The following ROBO1 variants were observed in gnomAD, a reference collection of about 807,000 sequenced individuals.
ROBO1 encodes roundabout homolog 1.
ROBO1 carries 149 observed loss-of-function variants against 195.9 expected under a neutral mutation model. The ratio of observed to expected loss-of-function variants is 0.76; its 90% CI spans 0.67 to 0.87. The LOEUF (loss-of-function observed/expected upper bound fraction) is 0.87. Ranked by LOEUF, ROBO1 falls within the 40% of genes least tolerant of loss-of-function variation. The pLI, the probability that ROBO1 is intolerant of heterozygous loss-of-function variation, is 0.00. For missense variants in ROBO1, 1,933 were observed against 2,068.3 expected (o/e 0.93, Z 1.27); for synonymous variants, 816 against 733.2 (o/e 1.11, Z -1.82).
intron 5 of ROBO1, among the ~76,000 whole-genome samples, chr3:78,740,331 T>C (rs979971868): frequency 4.6e-5 from 7 of 151,958 alleles, no homozygotes; most frequent in South Asian, 2.1e-4. Flanking sequence ...GCTATTGTTA[T>C]TATTCTCTCT....
In ROBO1 at chr3:78,975,582, G is replaced by A. The variant is rs148646192; in HGVS notation, c.173-36655C>T. Among the ~76,000 whole-genome samples the A allele has an allele frequency of 3.8e-3, 575 of 152,230 alleles. 5 individuals are homozygous for A. Among genetic ancestry groups the A allele is most frequent in the African/African-American group, 0.013 (549 of 41,552 alleles). On this transcript the variant is annotated intron_variant, in intron 3 of 30. Transcript: ENST00000464233. Reference sequence around the variant, plus strand: ...AAAAAAGGGAGAGGGGATAACCACTGAGAGGAAATGAAAGATAAGGTAGAA... The same window carrying A: ...AAAAAAGGGAGAGGGGATAACCACTAAGAGGAAATGAAAGATAAGGTAGAA...
chr3:78,926,774 C>T (rs2039246034), intron 4 of ROBO1, among the ~76,000 whole-genome samples: 1 of 151,954 alleles, frequency 6.6e-6, no homozygotes, highest in Non-Finnish European at 1.5e-5. Context: ...GACAAATCCT[C>T]GAGAAATGGA....
chr3:79,656,474 A>T (rs1946166777), intron 1 of ROBO1, among the ~76,000 whole-genome samples: 1 of 152,048 alleles, frequency 6.6e-6, no homozygotes, highest in South Asian at 2.1e-4. Flanking sequence ...CTAAAATAAT[A>T]GTATACTTTA....
chr3:78,893,912 C>G (rs2037074856), intron 4 of ROBO1, among the ~76,000 whole-genome samples: 1 of 152,210 alleles, frequency 6.6e-6, no homozygotes, highest in South Asian at 2.1e-4. Flanking sequence ...TTTCTTCATT[C>G]TGAATTTTGA....
intron 3 of ROBO1, among the ~76,000 whole-genome samples, chr3:79,015,649 T>A (rs1298148072): frequency 6.6e-6 from 1 of 152,116 alleles, no homozygotes; most frequent in African/African-American, 2.4e-5. Context: ...AAAAGGCAGA[T>A]AGACCAAGTA....
intron 4 of ROBO1, among the ~76,000 whole-genome samples, chr3:78,764,935 G>C (rs1296205539): frequency 6.6e-6 from 1 of 151,992 alleles, no homozygotes; most frequent in African/African-American, 2.4e-5. Flanking sequence ...TGGTTTGTGT[G>C]ATTTTTTTAA....
intron 10 of ROBO1, among the ~76,000 whole-genome samples, chr3:78,684,271 A>T (rs529365687): frequency 2.0e-5 from 3 of 152,300 alleles, no homozygotes; most frequent in South Asian, 2.1e-4. Context: ...TGAGGCAAAA[A>T]TATACACAAA....
intron 4 of ROBO1, among the ~76,000 whole-genome samples, chr3:78,908,741 T>C (rs1386371203): frequency 3.3e-5 from 5 of 151,868 alleles, no homozygotes. Flanking sequence ...CAGTTTTTAC[T>C]CCACAGATGA....
At chr3:78,828,234 T>C (rs1164505537) in intron 4 of ROBO1, among the ~76,000 whole-genome samples, 1 of 151,920 alleles carries the variant, frequency 6.6e-6, no homozygotes, top group Admixed American at 6.6e-5. Flanking sequence ...TGCAAGTTGA[T>C]TTTCACTGAT....
chr3:79,651,711 A>ATACAG (rs1019391458), intron 1 of ROBO1, among the ~76,000 whole-genome samples: 8 of 152,128 alleles, frequency 5.3e-5, no homozygotes, highest in African/African-American at 1.9e-4. Flanking sequence ...AAATGGACAC[A>ATACAG]TACAGAGGCT....
intron 1 of ROBO1, among the ~76,000 whole-genome samples, chr3:79,631,448 A>C (rs1945337179): frequency 6.6e-6 from 1 of 152,052 alleles, no homozygotes; most frequent in Non-Finnish European, 1.5e-5. Context: ...GAAGAATGAA[A>C]TTTGGTCCCT....
chr3:79,249,116 G>C (rs1325193684), intron 2 of ROBO1, among the ~76,000 whole-genome samples: 2 of 152,076 alleles, frequency 1.3e-5, no homozygotes, highest in East Asian at 3.8e-4. Flanking sequence ...ACTTTTAAAA[G>C]TGTACCTAAT....
intron 2 of ROBO1, among the ~76,000 whole-genome samples, chr3:79,277,798 A>AAT (rs999412085): frequency 2.0e-5 from 3 of 151,624 alleles, no homozygotes; most frequent in Non-Finnish European, 4.4e-5. Context: ...AATAAAAAAA[A>AAT]ACACACACTT....
intron 2 of ROBO1, among the ~76,000 whole-genome samples, chr3:79,400,290 A>AAC (rs1352597482): frequency 1.3e-5 from 2 of 151,886 alleles, no homozygotes. Context: ...CAACCCCCAC[A>AAC]ACACACACAC....
chr3:79,460,554 G>C (rs1252026867), intron 2 of ROBO1, among the ~76,000 whole-genome samples: 1 of 152,052 alleles, frequency 6.6e-6, no homozygotes, highest in African/African-American at 2.4e-5. Flanking sequence ...ATAGATCTGA[G>C]AGAGAAATCA....
Position 79,762,909 on chromosome 3 carries a change from A to AT in ROBO1, c.-51+4842dup, listed in dbSNP as rs370003659. On this transcript the variant is annotated intron_variant, in intron 1 of 30. Transcript: ENST00000464233. ...GGTGAAGTTCAAGAGAAAAATCATAATTTTTTTTTTCTTTTCACTACATGA... is the reference window on the plus strand; with the variant it reads ...GGTGAAGTTCAAGAGAAAAATCATAATTTTTTTTTTTCTTTTCACTACATGA... Among the ~76,000 whole-genome samples the AT allele has an allele frequency of 6.1e-3, 926 of 150,928 alleles. 3 individuals are homozygous for AT. Among genetic ancestry groups the AT allele is most frequent in the African/African-American group, 0.016 (671 of 41,142 alleles).
chr3:78,683,466 CA>C (rs1001052651), intron 10 of ROBO1, among the ~76,000 whole-genome samples: 1 of 151,820 alleles, frequency 6.6e-6, no homozygotes, highest in African/African-American at 2.4e-5. Flanking sequence ...ATAGCAAACT[CA>C]AAACAAGGAA....
chr3:79,440,014 G>C (rs1416120351), intron 2 of ROBO1, among the ~76,000 whole-genome samples: 1 of 152,026 alleles, frequency 6.6e-6, no homozygotes, highest in Non-Finnish European at 1.5e-5. Flanking sequence ...GACTCTAACA[G>C]ATAGAACAAA....
chr3:79,697,018 A>C (rs1029985308), intron 1 of ROBO1, among the ~76,000 whole-genome samples: 1 of 151,484 alleles, frequency 6.6e-6, no homozygotes, highest in African/African-American at 2.4e-5. Flanking sequence ...CTAGTGACAG[A>C]GACGTGCTAC....
Sources: gnomAD v4.1 joint callset for allele counts (sites outside exome capture counted in the v4.1 genomes callset) on GRCh38, gnomAD v4.1.1 for gene constraint, MANE v1.5 for transcripts, NCBI Gene and HGNC (gene_info 2026-07-23, HGNC 2026-07-21) for gene names.